PLCL2: variants seen among roughly 807,000 people sequenced by gnomAD.
PLCL2 encodes inactive phospholipase C-like protein 2.
In PLCL2, 4 loss-of-function variants were observed where a neutral mutation model predicts 79.6. The ratio of observed to expected loss-of-function variants is 0.05; its 90% CI spans 0.02 to 0.11. The LOEUF (loss-of-function observed/expected upper bound fraction) is 0.11, where lower values mean the gene tolerates loss of function less well. Ranked by LOEUF, PLCL2 falls within the 10% of genes least tolerant of loss-of-function variation. The pLI is 1.00. For synonymous variants in PLCL2, 484 were observed against 457.7 expected, an observed-to-expected ratio of 1.06 and a Z score of -0.73; for missense variants, 895 against 1,291.0, an observed-to-expected ratio of 0.69 and a Z score of 4.70.
At chr3:16,899,116 C>T (rs991924063) in intron 1 of PLCL2, among the ~76,000 whole-genome samples, 5 of 152,212 alleles carry the variant, frequency 3.3e-5, no homozygotes, top group Non-Finnish European at 5.9e-5. Context: ...CTGTCACTAT[C>T]GAGGGGATGC....
At chr3:16,957,209 A>C (rs1318959248) in intron 1 of PLCL2, among the ~76,000 whole-genome samples, 2 of 151,984 alleles carry the variant, frequency 1.3e-5, no homozygotes, top group Non-Finnish European at 1.5e-5. Flanking sequence ...AATGTGTCCC[A>C]GAGATTCTGG....
At chr3:16,910,868 A>G (rs184751797) in intron 1 of PLCL2, among the ~76,000 whole-genome samples, 35 of 151,982 alleles carry the variant, frequency 2.3e-4, no homozygotes, top group African/African-American at 6.5e-4. Context: ...TTCTTATCTC[A>G]TGTACTACAT....
At chr3:17,059,513 C>T (rs1042444187) in intron 4 of PLCL2, among the ~76,000 whole-genome samples, 6 of 149,620 alleles carry the variant, frequency 4.0e-5, no homozygotes, top group African/African-American at 1.5e-4. Flanking sequence ...TATATACACA[C>T]ATATACATAT....
At chr3:17,076,255 A>T (rs4685424) in intron 5 of PLCL2, among the ~76,000 whole-genome samples, 28,959 of 151,834 alleles carry the variant, frequency 0.19, 3,201 homozygotes, top group East Asian at 0.54. Flanking sequence ...TTTAAAAAAT[A>T]TCTGACTGAC....
chr3:16,924,808 C>T (rs754642995), intron 1 of PLCL2, among the ~76,000 whole-genome samples: 72 of 152,202 alleles, frequency 4.7e-4, no homozygotes, highest in Admixed American at 1.0e-3. Context: ...CAAATAACCA[C>T]GATAGTCTTA....
chr3:16,894,639 A>G (rs769207339), intron 1 of PLCL2, among the ~76,000 whole-genome samples: 1 of 152,104 alleles, frequency 6.6e-6, no homozygotes, highest in Non-Finnish European at 1.5e-5. Context: ...GATTGTAACT[A>G]TTGTGACGGT....
At chr3:16,957,373 A>T (rs538354537) in intron 1 of PLCL2, among the ~76,000 whole-genome samples, 1 of 152,120 alleles carries the variant, frequency 6.6e-6, no homozygotes, top group Admixed American at 6.5e-5. Flanking sequence ...TTCTAGTTTG[A>T]TTGCACTGTG....
chr3:16,973,861 G>A (rs2063898031), intron 1 of PLCL2, among the ~76,000 whole-genome samples: 1 of 152,170 alleles, frequency 6.6e-6, no homozygotes, highest in South Asian at 2.1e-4. Context: ...TATATAATGA[G>A]AGAAATAGAT....
chr3:17,013,692 G>C (rs927571350), intron 2 of PLCL2, among the ~76,000 whole-genome samples: 2 of 152,204 alleles, frequency 1.3e-5, no homozygotes, highest in African/African-American at 2.4e-5. Flanking sequence ...AGAAGGCACA[G>C]GCCTGCAGGG....
intron 1 of PLCL2, among the ~76,000 whole-genome samples, chr3:16,941,785 A>AT (rs929273646): frequency 3.9e-5 from 6 of 152,102 alleles, no homozygotes; most frequent in African/African-American, 1.4e-4. Flanking sequence ...ACCGAACAGA[A>AT]TAGACTAGAA....
chr3:17,049,980 C>T (rs1348466097), intron 4 of PLCL2, among the ~76,000 whole-genome samples: 3 of 152,082 alleles, frequency 2.0e-5, no homozygotes, highest in East Asian at 1.9e-4. Flanking sequence ...GGTATAAAAG[C>T]AGACACATAG....
intron 5 of PLCL2, among the ~76,000 whole-genome samples, chr3:17,072,970 T>C (rs190757587): frequency 3.9e-5 from 6 of 152,332 alleles, no homozygotes; most frequent in Non-Finnish European, 7.3e-5. Context: ...TAAAATGTCC[T>C]GTTCTAGGGT....
At chr3:16,904,306 C>CAAAAAAAAAAAAAAAAAACAA (rs547582289) in intron 1 of PLCL2, among the ~76,000 whole-genome samples, 1 of 116,132 alleles carries the variant, frequency 8.6e-6, no homozygotes, top group Non-Finnish European at 1.8e-5. Context: ...GAGATCTTGA[C>CAAAAAAAAAAAAAAAAAACAA]AAAAAAAAAA....
chr3:17,076,515 A>T (rs76944171), intron 5 of PLCL2, among the ~76,000 whole-genome samples: 2,098 of 151,776 alleles, frequency 0.014, 51 homozygotes, highest in African/African-American at 0.047. Flanking sequence ...TTAAAAAAAA[A>T]TTTTTTTGAG....
intron 4 of PLCL2, among the ~76,000 whole-genome samples, chr3:17,052,030 G>A (rs1473040519): frequency 6.6e-6 from 1 of 152,016 alleles, no homozygotes; most frequent in African/African-American, 2.4e-5. Context: ...TATTAATGCT[G>A]TGGAAGAGAA....
At chr3:16,997,846 T>A (rs2064169672) in intron 1 of PLCL2, among the ~76,000 whole-genome samples, 1 of 152,146 alleles carries the variant, frequency 6.6e-6, no homozygotes, top group Non-Finnish European at 1.5e-5. Context: ...CCACACACAT[T>A]AATTTCATAT....
chr3:17,084,456 CAAA>C (rs1477292281), intron 5 of PLCL2, among the ~76,000 whole-genome samples: 1 of 152,042 alleles, frequency 6.6e-6, no homozygotes, highest in East Asian at 1.9e-4. Context: ...ACCTTAATAC[CAAA>C]CCAAAGACAT....
intron 1 of PLCL2, among the ~76,000 whole-genome samples, chr3:16,937,421 C>T (rs1159913960): frequency 2.6e-5 from 4 of 152,152 alleles, no homozygotes; most frequent in Non-Finnish European, 5.9e-5. Context: ...CAGTTGAGTT[C>T]AGGCAAAGGG....
At chr3:17,056,287 C>T (rs1159088482) in intron 4 of PLCL2, among the ~76,000 whole-genome samples, 1 of 152,044 alleles carries the variant, frequency 6.6e-6, no homozygotes, top group Non-Finnish European at 1.5e-5. Context: ...AATGAATCAC[C>T]TTTCTCATAC....
Sources: allele counts gnomAD v4.1 joint callset (sites outside exome capture counted in the v4.1 genomes callset), GRCh38; gene constraint gnomAD v4.1.1; transcripts MANE v1.5; gene names NCBI Gene and HGNC (gene_info 2026-07-23, HGNC 2026-07-21).